ARHGAP12: variants seen among roughly 807,000 people sequenced by gnomAD.
ARHGAP12 encodes Rho GTPase activating protein 12, also known as rho GTPase-activating protein 12.
In ARHGAP12, 64 loss-of-function variants were observed where a neutral mutation model predicts 108.6. The ratio of observed to expected loss-of-function variants is 0.59; its 90% CI spans 0.48 to 0.73. The LOEUF is 0.73. ARHGAP12 is among the 30% of genes least tolerant of loss of function. The pLI is 0.00. For missense variants in ARHGAP12, 940 were observed against 1,005.9 expected (o/e 0.93, Z 0.89); for synonymous variants, 312 against 337.2 (o/e 0.93, Z 0.82).
intron 12 of ARHGAP12, 47 bp downstream of exon 12, chr10:31,820,340 A>G (rs761581780): frequency 4.2e-6 from 6 of 1,445,194 alleles, no homozygotes; most frequent in Admixed American, 2.1e-5. Flanking sequence ...CAGAACATCC[A>G]ATTACTACAG....
intron 3 of ARHGAP12, among the ~76,000 whole-genome samples, chr10:31,891,997 G>C (rs1450180848): frequency 6.6e-6 from 1 of 152,026 alleles, no homozygotes; most frequent in Admixed American, 6.6e-5. Context: ...CTTTTTTCAA[G>C]GTTTTTAATC....
chr10:31,922,275 A>G, intron 1 of ARHGAP12, among the ~76,000 whole-genome samples: 1 of 151,776 alleles, frequency 6.6e-6, no homozygotes, highest in Non-Finnish European at 1.5e-5. Context: ...CAAAAGAGAA[A>G]AGAAACAAAT....
rs1365006625 is a variant in ARHGAP12, at chr10:31,908,242, C to T, written c.614G>A (p.Gly205Asp). 1 of 1,613,866 alleles carries T rather than the reference C, an allele frequency of 6.2e-7. No homozygotes were observed. The highest frequency in any genetic ancestry group is 8.5e-7 in the Non-Finnish European group (1 of 1,179,946). Residue 205 changes from glycine (G) to aspartate (D), a missense_variant, in exon 3 of 20, where the codon GGC (glycine) becomes GAC (aspartate). By Grantham distance (94) the Gly-to-Asp change is moderately conservative. Coordinates refer to ENST00000344936, the MANE Select transcript of ARHGAP12 (RefSeq NM_018287.7). Reference sequence around the variant, plus strand: ...AGAATCTTGATGTATTCTTTCAGAGCCTTCTCCTGCGGAATCACAAGATTG... The same window carrying T: ...AGAATCTTGATGTATTCTTTCAGAGTCTTCTCCTGCGGAATCACAAGATTG... Reference protein sequence around the residue: ...QEQSCDSAGEGSERIHQDSES... With the variant: ...QEQSCDSAGEDSERIHQDSES...
At chr10:31,916,738 TCCCAAGC>T (rs1839572955) in intron 1 of ARHGAP12, among the ~76,000 whole-genome samples, 1 of 152,084 alleles carries the variant, frequency 6.6e-6, no homozygotes, top group Non-Finnish European at 1.5e-5. Context: ...TGCCTCAGCC[TCCCAAGC>T]AGCTGGGACT....
intron 3 of ARHGAP12, among the ~76,000 whole-genome samples, chr10:31,902,440 C>A (rs1241474290): frequency 6.6e-6 from 1 of 151,976 alleles, no homozygotes; most frequent in Non-Finnish European, 1.5e-5. Context: ...CACTGGGAGG[C>A]TGAGGCAAGA....
intron 9 of ARHGAP12, among the ~76,000 whole-genome samples, chr10:31,833,040 G>GT (rs1456071872): frequency 6.6e-6 from 1 of 151,912 alleles, no homozygotes; most frequent in African/African-American, 2.4e-5. Context: ...ACAATTGTAA[G>GT]TATGTGTGAG....
intron 15 of ARHGAP12, among the ~76,000 whole-genome samples, chr10:31,811,660 T>A (rs1835024480): frequency 1.3e-5 from 1 of 79,770 alleles, no homozygotes; most frequent in Non-Finnish European, 2.4e-5. Flanking sequence ...AAGTCTTAAA[T>A]ACCTTTTTTA....
In ARHGAP12 at chr10:31,920,660, A is replaced by C. The variant is rs1481716991; in HGVS notation, c.-111+8023T>G. On this transcript the variant is annotated intron_variant, in intron 1 of 19. Transcript: ENST00000344936. ...TTAGGTATCACTACACATCAACTAC[A>C]ATAAAGTTTTTGTTTTTGTTTTTGT... Among the ~76,000 whole-genome samples, 2 of 152,044 alleles carry C rather than the reference A, an allele frequency of 1.3e-5. 1 individual carries two copies. Among genetic ancestry groups the C allele is most frequent in the African/African-American group, 4.8e-5 (2 of 41,410 alleles).
At chr10:31,879,529 CAA>C (rs1257470564) in intron 3 of ARHGAP12, among the ~76,000 whole-genome samples, 2 of 152,110 alleles carry the variant, frequency 1.3e-5, no homozygotes, top group African/African-American at 2.4e-5. Context: ...TGGCTCAAGT[CAA>C]AGAGACAAAA....
intron 6 of ARHGAP12, among the ~76,000 whole-genome samples, chr10:31,851,801 G>C (rs1794088112): frequency 6.6e-6 from 1 of 151,968 alleles, no homozygotes; most frequent in African/African-American, 2.4e-5. Context: ...GACTTACTTT[G>C]GGGAAAAGAC....
intron 1 of ARHGAP12, among the ~76,000 whole-genome samples, chr10:31,925,064 T>A (rs1261833056): frequency 6.6e-6 from 1 of 152,174 alleles, no homozygotes; most frequent in Non-Finnish European, 1.5e-5. Flanking sequence ...GGGCTTCAGT[T>A]TTTTCCATCT....
chr10:31,905,363 TG>T (rs1461082299), intron 3 of ARHGAP12, among the ~76,000 whole-genome samples: 2 of 152,180 alleles, frequency 1.3e-5, no homozygotes, highest in Non-Finnish European at 2.9e-5. Flanking sequence ...CCTGCATAGC[TG>T]GGACTACAAG....
intron 1 of ARHGAP12, among the ~76,000 whole-genome samples, chr10:31,915,386 C>CAAA (rs1387712452): frequency 2.0e-5 from 2 of 98,850 alleles, no homozygotes; most frequent in African/African-American, 3.5e-5. Flanking sequence ...AACTCTGTCT[C>CAAA]AAAAAAAAAA....
chr10:31,866,181 G>A (rs1387688584), intron 3 of ARHGAP12, among the ~76,000 whole-genome samples: 1 of 152,188 alleles, frequency 6.6e-6, no homozygotes, highest in Non-Finnish European at 1.5e-5. Flanking sequence ...AATAGCATTT[G>A]AAAGTCAAGA....
intron 3 of ARHGAP12, among the ~76,000 whole-genome samples, chr10:31,869,483 G>A (rs1022856427): frequency 7.9e-5 from 12 of 152,044 alleles, no homozygotes; most frequent in African/African-American, 2.9e-4. Flanking sequence ...GTTGCAGTGA[G>A]CCAAGACTAC....
intron 9 of ARHGAP12, among the ~76,000 whole-genome samples, chr10:31,836,652 C>A (rs1453617982): frequency 6.6e-6 from 1 of 152,110 alleles, no homozygotes; most frequent in African/African-American, 2.4e-5. Context: ...TTTCTTATCA[C>A]TAAGCCTTTA....
At chr10:31,841,948 A>C (rs1836285055) in intron 7 of ARHGAP12, among the ~76,000 whole-genome samples, 1 of 152,128 alleles carries the variant, frequency 6.6e-6, no homozygotes, top group South Asian at 2.1e-4. Flanking sequence ...TAGAGGGTAA[A>C]AAAGACATTT....
At chr10:31,910,773 C>G (rs749777733) in intron 1 of ARHGAP12, among the ~76,000 whole-genome samples, 13 of 152,186 alleles carry the variant, frequency 8.5e-5, no homozygotes, top group Non-Finnish European at 1.5e-4. Flanking sequence ...TTTACCACTG[C>G]CCTCTCCCAC....
chr10:31,854,281 A>G lies in ARHGAP12; in HGVS notation c.949-75T>C, dbSNP rs190366908. 261 of 1,277,728 alleles carry G rather than the reference A, an allele frequency of 2.0e-4. 1 individual carries two copies. Among genetic ancestry groups the G allele is most frequent in the Admixed American group, 4.6e-4 (16 of 34,896 alleles). The allele number at this position is 1,277,728 out of a possible 1,614,324, so 79.1% of individuals were successfully genotyped here. On this transcript the variant is annotated intron_variant, in intron 4 of 19. Transcript: ENST00000344936. ...GAATTGGTTGAAAATCTAATAAATA[A>G]ATTTTACTTGACTATAAGTATGAAG...
Sources: allele counts gnomAD v4.1 joint callset (sites outside exome capture counted in the v4.1 genomes callset), GRCh38; gene constraint gnomAD v4.1.1; transcripts MANE v1.5; gene names NCBI Gene and HGNC (gene_info 2026-07-23, HGNC 2026-07-21).